SLC25A13: variants seen among roughly 807,000 people sequenced by gnomAD.
The protein encoded by SLC25A13 is electrogenic aspartate/glutamate antiporter SLC25A13, mitochondrial.
A neutral mutation model predicts 85.5 loss-of-function variants in SLC25A13; 70 were observed. The observed-to-expected ratio is 0.82, with a 90% CI of 0.68 to 1.00. The LOEUF is 1.00. SLC25A13 is among the 50% of genes least tolerant of loss of function. The pLI, the probability that SLC25A13 is intolerant of heterozygous loss-of-function variation, is 0.00. For missense variants in SLC25A13, 765 were observed against 819.8 expected, an observed-to-expected ratio of 0.93 and a Z score of 0.82; for synonymous variants, 259 against 288.7, an observed-to-expected ratio of 0.90 and a Z score of 1.04.
intron 11 of SLC25A13, among the ~76,000 whole-genome samples, chr7:96,179,172 G>A (rs1177307236): frequency 6.6e-6 from 1 of 152,132 alleles, no homozygotes; most frequent in African/African-American, 2.4e-5. Context: ...AAAGAGAATT[G>A]GGGAAAACGA....
At chr7:96,179,712 T>C (rs919438511) in intron 11 of SLC25A13, among the ~76,000 whole-genome samples, 1 of 152,168 alleles carries the variant, frequency 6.6e-6, no homozygotes, top group African/African-American at 2.4e-5. Flanking sequence ...CTCAAACCTA[T>C]CCATTTTGCA....
chr7:96,170,323 T>C (rs1009352804), intron 12 of SLC25A13, among the ~76,000 whole-genome samples, 198 bp from the exon 13 acceptor site: 2 of 152,190 alleles, frequency 1.3e-5, no homozygotes, highest in Non-Finnish European at 2.9e-5. Flanking sequence ...ATGAAAAATA[T>C]ATATGCATCA....
intron 3 of SLC25A13, among the ~76,000 whole-genome samples, chr7:96,251,807 T>A (rs892371675): frequency 1.3e-5 from 2 of 152,248 alleles, no homozygotes; most frequent in East Asian, 3.9e-4. Context: ...GTACATTTAC[T>A]ATCTTACTGC....
intron 14 of SLC25A13, among the ~76,000 whole-genome samples, chr7:96,137,701 A>G (rs2116450231): frequency 6.6e-6 from 1 of 152,288 alleles, no homozygotes; most frequent in Middle Eastern, 3.4e-3. Context: ...ATCTTGGCTC[A>G]CTGCAACCTC....
intron 10 of SLC25A13, among the ~76,000 whole-genome samples, 156 bp downstream of exon 10, chr7:96,184,771 T>A (rs1396324210): frequency 6.6e-6 from 1 of 152,222 alleles, no homozygotes. Flanking sequence ...GGAAAAGAGT[T>A]CCCTTTACTC....
Position 96,121,226 on chromosome 7 carries a change from C to T in SLC25A13, c.1993G>A (p.Val665Ile), listed in dbSNP as rs1451754466. The change falls in exon 18 of 18, where the codon GTA becomes ATA. Residue 665 changes from valine to isoleucine, a missense_variant. Val to Ile is a conservative substitution (Grantham distance 29, BLOSUM62 3). Coordinates refer to ENST00000265631, the MANE Select transcript of SLC25A13 (RefSeq NM_014251.3). The part of the protein sequence containing the change: ...GLYLPLFKPS[V>I]STSKAIGGGP ...CCACCAATAGCCTTTGAGGTAGATA[C>T]TGATGGCTTGAAGAGAGGTAGGTAA... The T allele has an allele frequency of 1.2e-6, 2 of 1,614,164 alleles. No homozygotes were observed. The highest frequency in any genetic ancestry group is 1.7e-6 in the Non-Finnish European group (2 of 1,180,032).
chr7:96,302,788 G>T (rs1799598686), intron 1 of SLC25A13, among the ~76,000 whole-genome samples: 1 of 152,160 alleles, frequency 6.6e-6, no homozygotes, highest in Non-Finnish European at 1.5e-5. Context: ...AGCATCACCT[G>T]GGAACTTTTA....
intron 1 of SLC25A13, among the ~76,000 whole-genome samples, chr7:96,302,058 C>T (rs948586347): frequency 7.9e-5 from 12 of 152,210 alleles, no homozygotes; most frequent in Admixed American, 1.3e-4. Context: ...TCCACAGGAG[C>T]AAAATTTGAG....
intron 13 of SLC25A13, among the ~76,000 whole-genome samples, chr7:96,152,369 CT>C (rs1406723561): frequency 6.6e-6 from 1 of 152,124 alleles, no homozygotes; most frequent in Non-Finnish European, 1.5e-5. Context: ...GAGGCAGAGC[CT>C]GAGGCAGGGA....
At chr7:96,208,256 C>T (rs930620182) in intron 5 of SLC25A13, among the ~76,000 whole-genome samples, 4 of 152,072 alleles carry the variant, frequency 2.6e-5, no homozygotes, top group Admixed American at 6.6e-5. Flanking sequence ...CTTGATTTCC[C>T]GGGGCCTCAA....
chr7:96,282,064 G>A (rs1798701907), intron 2 of SLC25A13, among the ~76,000 whole-genome samples: 1 of 151,928 alleles, frequency 6.6e-6, no homozygotes, highest in Admixed American at 6.6e-5. Flanking sequence ...TCCTTCTTTG[G>A]GAATATTTTT....
Position 96,269,495 on chromosome 7 carries a change from G to GT in SLC25A13, c.212+7700dup, listed in dbSNP as rs1330133426. ...AAGCCAAAACTACCACTAGAAAAAG[G>GT]TTTTTTTCCGGATCAGGCTGGCCCT... On this transcript the variant is annotated intron_variant, in intron 3 of 17. Coordinates refer to ENST00000265631, the MANE Select transcript of SLC25A13 (RefSeq NM_014251.3). Among the ~76,000 whole-genome samples, 7 of 152,238 alleles carry GT rather than the reference G, an allele frequency of 4.6e-5. No homozygotes were observed. In the South Asian group the frequency reaches 1.2e-3, roughly 27 times the overall value.
chr7:96,317,774 TTTATTTTATTTTA>T (rs1402533312), intron 1 of SLC25A13, among the ~76,000 whole-genome samples: 4 of 149,152 alleles, frequency 2.7e-5, no homozygotes, highest in Non-Finnish European at 5.9e-5. Context: ...TTTATTCTAT[TTTATTTTATTTTA>T]TTATTTTATT....
intron 4 of SLC25A13, among the ~76,000 whole-genome samples, chr7:96,210,425 G>C (rs1795647699): frequency 2.0e-5 from 3 of 152,124 alleles, no homozygotes; most frequent in Admixed American, 1.3e-4. Flanking sequence ...CTGACCAGGG[G>C]TCAATAAAAG....
intron 4 of SLC25A13, among the ~76,000 whole-genome samples, chr7:96,227,257 C>T (rs1796358726): frequency 6.6e-6 from 1 of 152,032 alleles, no homozygotes; most frequent in South Asian, 2.1e-4. Flanking sequence ...TTCATCAACT[C>T]AAAATTTCCA....
At chr7:96,175,158 T>C (rs181994659) in intron 11 of SLC25A13, among the ~76,000 whole-genome samples, 149 of 151,952 alleles carry the variant, frequency 9.8e-4, no homozygotes, top group Non-Finnish European at 1.8e-3. Context: ...GGAAAAAACA[T>C]CAAAGAAGAG....
At chr7:96,219,334 G>A (rs907486416) in intron 4 of SLC25A13, among the ~76,000 whole-genome samples, 2 of 152,128 alleles carry the variant, frequency 1.3e-5, no homozygotes, top group Non-Finnish European at 2.9e-5. Flanking sequence ...CAGCCAAGCT[G>A]AGCCAAATAT....
intron 3 of SLC25A13, among the ~76,000 whole-genome samples, chr7:96,248,480 G>A (rs193289096): frequency 1.3e-5 from 2 of 152,110 alleles, no homozygotes; most frequent in South Asian, 2.1e-4. Flanking sequence ...ATACTACTAC[G>A]ATGATGAAGT....
intron 2 of SLC25A13, 127 bp from the exon 3 acceptor site, chr7:96,277,465 T>C (rs1360099365): frequency 1.2e-6 from 1 of 869,314 alleles, no homozygotes; most frequent in African/African-American, 1.7e-5. Flanking sequence ...CATGTACGCT[T>C]CATAATGACC....
Sources: gnomAD v4.1 joint callset for allele counts (sites outside exome capture counted in the v4.1 genomes callset) on GRCh38, gnomAD v4.1.1 for gene constraint, MANE v1.5 for transcripts, NCBI Gene and HGNC (gene_info 2026-07-23, HGNC 2026-07-21) for gene names.